Variants in DST observed in about 807,000 individuals in gnomAD.
The protein encoded by DST is bullous pemphigoid antigen.
DST carries 253 observed loss-of-function variants against 875.2 expected under a neutral mutation model. That is an observed-to-expected ratio of 0.29 (90% CI 0.26 to 0.32). The LOEUF (loss-of-function observed/expected upper bound fraction) is 0.32, where lower values mean the gene tolerates loss of function less well. DST is among the 10% of genes least tolerant of loss of function. The pLI, the probability that DST is intolerant of heterozygous loss-of-function variation, is 1.00. For synonymous variants in DST, 3,124 were observed against 3,197.1 expected (o/e 0.98, Z 0.77); for missense variants, 8,287 against 9,111.6 (o/e 0.91, Z 3.68).
rs1233236953 is a variant in DST, at chr6:56,472,140, C to A, written c.22077G>T (p.Leu7359=). Residue 7359 remains leucine (L), a synonymous_variant, in exon 94 of 104, where the codon CTG becomes CTT. Coordinates refer to ENST00000680361, the MANE Select transcript of DST (RefSeq NM_001374736.1). ...IETKNPRVNL[L]VSKWQQVWLL... ...GCCAGACTTGCTGCCATTTGCTCAC[C>A]AGTAAGTTTACCCTAGGATTTTTGG... 6.2e-7 allele frequency: 1 copy of A among 1,613,802 alleles called. No homozygotes were observed. The highest frequency in any genetic ancestry group is 1.3e-5 in the African/African-American group (1 of 74,900).
chr6:56,620,000 G>A (rs1429122608), intron 36 of DST: 23 of 1,613,932 alleles, frequency 1.4e-5, no homozygotes, highest in Non-Finnish European at 1.9e-5. Context: ...TGCCCTGCAT[G>A]ATGTAGCCTG....
At chr6:56,568,862 C>T (rs971176533) in intron 54 of DST, among the ~76,000 whole-genome samples, 1 of 152,062 alleles carries the variant, frequency 6.6e-6, no homozygotes, top group African/African-American at 2.4e-5. Flanking sequence ...TCAGGCTATT[C>T]CTGGCTGCTA....
Position 56,597,809 on chromosome 6 carries a change from C to T in DST, c.12126G>A (p.Leu4042=). The T allele has an allele frequency of 6.2e-7, 1 of 1,613,930 alleles. No individual in the cohort carries two copies. Among genetic ancestry groups the T allele is most frequent in the Non-Finnish European group, 8.5e-7 (1 of 1,179,852 alleles). The change falls in exon 47 of 104, where the codon TTG becomes TTA. Residue 4042 remains leucine (L), a synonymous_variant. Transcript: ENST00000680361. ...GEEDEVNGNL[L]ETDVDGQVGT... The stretch of plus-strand genomic sequence containing the variant: ...CAACTTGCCCATCAACATCAGTCTC[C>T]AACAGGTTACCATTAACTTCATCCT...
intron 9 of DST, among the ~76,000 whole-genome samples, chr6:56,688,331 A>C (rs1040025961): frequency 6.6e-6 from 1 of 152,198 alleles, no homozygotes; most frequent in Non-Finnish European, 1.5e-5. Flanking sequence ...TCCAATCATA[A>C]ATTTTATAGT....
intron 92 of DST, among the ~76,000 whole-genome samples, chr6:56,475,790 G>T (rs1736661469): frequency 1.3e-5 from 2 of 152,122 alleles, no homozygotes; most frequent in Admixed American, 1.3e-4. Context: ...GGTGGAGGTG[G>T]GTGAGATCAC....
Position 56,466,121 on chromosome 6 carries a change from C to CTTA in DST, c.22643_22644insTAA (p.Trp7548delinsCysLys). ...TCACTAAGAACTCATCAAGTGCCAT[C>CTTA]CATCCACCTCCAACACGAACCATCA... On this transcript the variant is annotated protein_altering_variant, in exon 99 of 104. Transcript: ENST00000680361. The CTTA allele has an allele frequency of 6.2e-7, 1 of 1,613,448 alleles. No individual in the cohort carries two copies. Among genetic ancestry groups the CTTA allele is most frequent in the Non-Finnish European group, 8.5e-7 (1 of 1,179,724 alleles).
chr6:56,670,133 C>A (rs958616063), intron 10 of DST, among the ~76,000 whole-genome samples: 2 of 146,198 alleles, frequency 1.4e-5, no homozygotes, highest in African/African-American at 5.0e-5. Flanking sequence ...AGCGCCCGTG[C>A]GTGTGTGTGT....
chr6:56,511,432 CA>C, intron 72 of DST, 32 bp from the exon 73 acceptor site: 1 of 1,550,212 alleles, frequency 6.5e-7, no homozygotes, highest in Non-Finnish European at 8.7e-7. Flanking sequence ...TTCAGTATCT[CA>C]GGGTCACACC....
intron 5 of DST, among the ~76,000 whole-genome samples, chr6:56,711,874 G>A (rs2099364800): frequency 1.3e-5 from 2 of 151,858 alleles, no homozygotes; most frequent in South Asian, 2.1e-4. Flanking sequence ...GGCGGATCAC[G>A]AGGTCAGGAG....
rs929291507 is a variant in DST at position 56,604,862 on chromosome 6, C to G, written c.9766G>C (p.Gly3256Arg). ...DLCSKESISG[G>R]GTEISQFTPE... is the part of the protein sequence containing the mutation. ...GTGAACTGAGAAATTTCTGTTCCTC[C>G]TCCTGAGATGCTTTCTTTACTACAA... The change falls in exon 40 of 104, where the codon GGA becomes CGA. Residue 3256 changes from glycine (G) to arginine (R), a missense_variant. Coordinates refer to ENST00000680361, the MANE Select transcript of DST (RefSeq NM_001374736.1). The G allele has an allele frequency of 1.9e-6, 3 of 1,612,594 alleles. No homozygotes were observed. The highest frequency in any genetic ancestry group is 1.7e-6 in the Non-Finnish European group (2 of 1,179,278).
rs2094254606 is a variant in DST at position 56,460,124 on chromosome 6, C to A, written c.23194+7G>T. ...AGCCATTGAAAAAAGAAAGGCACCA[C>A]ACTCACCAGCAAACTGTGTTCGGAC... is the stretch of plus-strand genomic sequence containing the variant. On this transcript the variant is annotated splice_region_variant and intron_variant, in intron 103 of 103. Coordinates refer to ENST00000680361, the MANE Select transcript of DST (RefSeq NM_001374736.1). 1 of 1,606,986 alleles carries A rather than the reference C, an allele frequency of 6.2e-7. No individual in the cohort carries two copies. Among genetic ancestry groups the A allele is most frequent in the Non-Finnish European group, 8.5e-7 (1 of 1,175,048 alleles).
intron 3 of DST, 79 bp downstream of exon 3, chr6:56,900,339 GATA>G: frequency 8.7e-7 from 1 of 1,145,150 alleles, no homozygotes; most frequent in Non-Finnish European, 1.2e-6. Context: ...AAGTTAATCT[GATA>G]ATGTTTTTAA....
chr6:56,640,615 A>G lies in DST; in HGVS notation c.2028-10T>C. 6.2e-7 allele frequency: 1 copy of G among 1,606,238 alleles called. No homozygotes were observed. Among genetic ancestry groups the G allele is most frequent in the Non-Finnish European group, 8.5e-7 (1 of 1,173,222 alleles). On this transcript the variant is annotated splice_polypyrimidine_tract_variant and intron_variant, in intron 17 of 103. Coordinates refer to ENST00000680361, the MANE Select transcript of DST (RefSeq NM_001374736.1). ...ACGCAGTTTTGCAACCCTGAAAAGA[A>G]AATCCAAAGGGATAAGGTGAAATAT...
At chr6:56,589,482 T>C (rs1202956589) in intron 49 of DST, among the ~76,000 whole-genome samples, 1 of 152,234 alleles carries the variant, frequency 6.6e-6, no homozygotes, top group Admixed American at 6.5e-5. Flanking sequence ...AAGAAGGATC[T>C]GTGACAAGAG....
chr6:56,736,525 T>C (rs1169917333), intron 4 of DST, among the ~76,000 whole-genome samples: 1 of 152,208 alleles, frequency 6.6e-6, no homozygotes, highest in Non-Finnish European at 1.5e-5. Flanking sequence ...CTCTTTCTCC[T>C]TCCTTGGTGG....
chr6:56,578,935 A>C lies in DST; in HGVS notation c.12906T>G (p.Ala4302=). The change falls in exon 50 of 104, where the codon GCT becomes GCG. Residue 4302 remains alanine, a splice_region_variant and synonymous_variant. Transcript: ENST00000680361. The part of the protein sequence containing the change: ...NLQRQLEETK[A]LQGQISSQQV... ...GCTGACTTGATATCTGTCCTTGCAA[A>C]GCCTGTAGGATTAAACGCTTTTCAA... 1.3e-6 allele frequency: 2 copies of C among 1,590,474 alleles called. No individual in the cohort carries two copies. The highest frequency in any genetic ancestry group is 1.7e-6 in the Non-Finnish European group (2 of 1,167,140).
At position 56,555,443 on chromosome 6, in the gene DST, T is replaced by C; in HGVS notation, c.15038A>G (p.Asp5013Gly). The C allele has an allele frequency of 6.2e-7, 1 of 1,614,018 alleles. No homozygotes were observed. Among genetic ancestry groups the C allele is most frequent in the Non-Finnish European group, 8.5e-7 (1 of 1,179,890 alleles). The change falls in exon 60 of 104, where the codon GAT becomes GGT. Residue 5013 changes from aspartate to glycine, a missense_variant. Transcript: ENST00000680361. ...QIKVAQALCE[D>G]LSALVKEEYL... is the part of the protein sequence containing the mutation. ...CTCTTCTTTAACCAGTGCTGACAAATCCTCACAGAGTGCCTGGGCCACTTT... is the reference window on the plus strand; with the variant it reads ...CTCTTCTTTAACCAGTGCTGACAAACCCTCACAGAGTGCCTGGGCCACTTT...
intron 2 of DST, among the ~76,000 whole-genome samples, chr6:56,910,087 G>T (rs1221849189): frequency 1.3e-5 from 2 of 152,140 alleles, no homozygotes; most frequent in African/African-American, 2.4e-5. Flanking sequence ...GTCATTGTTT[G>T]GTATAGAACA....
chr6:56,648,447 C>T (rs2098956720), intron 13 of DST, 123 bp downstream of exon 13: 1 of 821,134 alleles, frequency 1.2e-6, no homozygotes. Flanking sequence ...CAAATTTTGC[C>T]TACTTATTAA....
Sources: gnomAD v4.1 joint callset for allele counts (sites outside exome capture counted in the v4.1 genomes callset) on GRCh38, gnomAD v4.1.1 for gene constraint, MANE v1.5 for transcripts, NCBI Gene and HGNC (gene_info 2026-07-23, HGNC 2026-07-21) for gene names.